CCSER1: variants seen among roughly 807,000 people sequenced by gnomAD.
CCSER1 encodes the protein serine-rich coiled-coil domain-containing protein 1.
A neutral mutation model predicts 82.0 loss-of-function variants in CCSER1; 41 were observed. The ratio of observed to expected loss-of-function variants is 0.50; its 90% CI spans 0.39 to 0.65. CCSER1 has a LOEUF of 0.65. CCSER1 is among the 30% of genes least tolerant of loss of function. The pLI is 0.00. For synonymous variants in CCSER1, 414 were observed against 383.9 expected, an observed-to-expected ratio of 1.08 and a Z score of -0.92; for missense variants, 1,119 against 1,064.2, an observed-to-expected ratio of 1.05 and a Z score of -0.72.
chr4:90,152,624 G>C (rs1375317030), intron 1 of CCSER1, among the ~76,000 whole-genome samples: 1 of 152,142 alleles, frequency 6.6e-6, no homozygotes, highest in East Asian at 1.9e-4. Flanking sequence ...ACATGTGAAG[G>C]AAGGAAAATG....
chr4:91,104,602 A>C (rs1725422994), intron 10 of CCSER1, among the ~76,000 whole-genome samples: 1 of 152,222 alleles, frequency 6.6e-6, no homozygotes, highest in Non-Finnish European at 1.5e-5. Context: ...AATTGCTACT[A>C]TACACTACAT....
At chr4:90,714,819 A>T (rs1741326184) in intron 6 of CCSER1, among the ~76,000 whole-genome samples, 1 of 152,034 alleles carries the variant, frequency 6.6e-6, no homozygotes, top group South Asian at 2.1e-4. Flanking sequence ...AGCTGGTTTT[A>T]AAAATATTAC....
chr4:90,932,982 G>GAAGGAAAGAAAGAAAGAGAA (rs771267852), intron 9 of CCSER1, among the ~76,000 whole-genome samples: 1 of 18,856 alleles, frequency 5.3e-5, no homozygotes, highest in Non-Finnish European at 9.4e-5. Context: ...AAGAAAGAAA[G>GAAGGAAAGAAAGAAAGAGAA]AGAAAGAAAG....
chr4:91,484,928 T>C (rs779894884), intron 10 of CCSER1, among the ~76,000 whole-genome samples: 1 of 152,292 alleles, frequency 6.6e-6, no homozygotes, highest in Non-Finnish European at 1.5e-5. Flanking sequence ...AGCATTGTCA[T>C]TGGAATATAT....
chr4:90,865,365 T>A (rs1765600034), intron 8 of CCSER1, among the ~76,000 whole-genome samples: 1 of 152,060 alleles, frequency 6.6e-6, no homozygotes, highest in African/African-American at 2.4e-5. Flanking sequence ...GCCATAGTTT[T>A]GTTTAGTCAG....
intron 10 of CCSER1, among the ~76,000 whole-genome samples, chr4:91,465,812 G>A (rs994960668): frequency 6.6e-6 from 1 of 152,104 alleles, no homozygotes; most frequent in Non-Finnish European, 1.5e-5. Context: ...GGAAGAAGCT[G>A]AATCCCTGAA....
At chr4:90,492,960 T>G (rs886653236) in intron 5 of CCSER1, among the ~76,000 whole-genome samples, 3 of 152,048 alleles carry the variant, frequency 2.0e-5, no homozygotes, top group African/African-American at 7.2e-5. Context: ...AAGATCAAAC[T>G]TCTCCGAGCT....
At chr4:91,220,276 G>T (rs1737628843) in intron 10 of CCSER1, among the ~76,000 whole-genome samples, 1 of 152,124 alleles carries the variant, frequency 6.6e-6, no homozygotes, top group Admixed American at 6.6e-5. Context: ...TGTTATTCTA[G>T]TAAGAATTGC....
At chr4:90,824,135 A>G (rs1180574172) in intron 8 of CCSER1, among the ~76,000 whole-genome samples, 1 of 152,096 alleles carries the variant, frequency 6.6e-6, no homozygotes, top group African/African-American at 2.4e-5. Context: ...CCTCATTAAA[A>G]AAAATGTTTA....
In CCSER1 at chr4:91,307,873, C is replaced by T. The variant is rs527249947; in HGVS notation, c.2217+221879C>T. The stretch of plus-strand genomic sequence containing the variant: ...TCATTTATACCCGTTTTAATGGGTC[C>T]ATGAAGCAATGATATGCTATAATGC... On this transcript the variant is annotated intron_variant, in intron 10 of 10. Transcript: ENST00000509176. Among the ~76,000 whole-genome samples, 10 of 151,914 alleles carry T rather than the reference C, an allele frequency of 6.6e-5. No homozygotes were observed. The East Asian group carries it at 7.8e-4, about 12-fold the overall frequency.
In CCSER1 at chr4:90,641,023, T is replaced by G. The variant is rs148569991; in HGVS notation, c.1932+12791T>G. Among the ~76,000 whole-genome samples the G allele has an allele frequency of 6.3e-4, 96 of 152,226 alleles. 1 individual carries two copies. In the East Asian group the frequency reaches 0.015, roughly 24 times the overall value. Reference sequence around the variant, plus strand: ...ATGATTTTGGGCAGGGTGCCTAATCTCTCCGTGGAAATCTGGTCTCTTCCA... The same window carrying G: ...ATGATTTTGGGCAGGGTGCCTAATCGCTCCGTGGAAATCTGGTCTCTTCCA... On this transcript the variant is annotated intron_variant, in intron 6 of 10. Coordinates refer to ENST00000509176, the MANE Select transcript of CCSER1 (RefSeq NM_001145065.2).
At chr4:91,521,286 A>T (rs947876376) in intron 10 of CCSER1, among the ~76,000 whole-genome samples, 2 of 152,320 alleles carry the variant, frequency 1.3e-5, no homozygotes, top group African/African-American at 2.4e-5. Flanking sequence ...TCATTGATGG[A>T]CATTTGGGTT....
At chr4:90,894,572 C>T (rs1466805661) in intron 8 of CCSER1, among the ~76,000 whole-genome samples, 1 of 151,972 alleles carries the variant, frequency 6.6e-6, no homozygotes, top group East Asian at 1.9e-4. Flanking sequence ...TCTCCCTATC[C>T]TCTCTCTACT....
chr4:90,517,442 C>T (rs1193218757), intron 5 of CCSER1, among the ~76,000 whole-genome samples: 1 of 151,982 alleles, frequency 6.6e-6, no homozygotes, highest in Non-Finnish European at 1.5e-5. Context: ...GTATCTGACT[C>T]ACATAAGTAG....
chr4:90,468,894 T>C (rs1253619653), intron 5 of CCSER1, among the ~76,000 whole-genome samples: 2 of 152,152 alleles, frequency 1.3e-5, no homozygotes, highest in Non-Finnish European at 2.9e-5. Flanking sequence ...AATGATAAAC[T>C]TGTACTCTTA....
chr4:90,917,054 T>G (rs1385433110), intron 8 of CCSER1, among the ~76,000 whole-genome samples: 1 of 152,200 alleles, frequency 6.6e-6, no homozygotes, highest in Non-Finnish European at 1.5e-5. Flanking sequence ...AGAACACTTT[T>G]ACACTGTTGG....
At chr4:91,566,782 C>T (rs1341047196) in intron 10 of CCSER1, among the ~76,000 whole-genome samples, 1 of 151,858 alleles carries the variant, frequency 6.6e-6, no homozygotes, top group Non-Finnish European at 1.5e-5. Flanking sequence ...TCTCTCTATT[C>T]TTCTTTATTA....
chr4:91,476,806 C>T (rs1201115184), intron 10 of CCSER1, among the ~76,000 whole-genome samples: 2 of 151,612 alleles, frequency 1.3e-5, no homozygotes, highest in Non-Finnish European at 1.5e-5. Flanking sequence ...CAAAAACATA[C>T]ATTGAAGAAA....
intron 5 of CCSER1, among the ~76,000 whole-genome samples, chr4:90,587,506 A>G (rs1173261684): frequency 6.6e-6 from 1 of 152,170 alleles, no homozygotes; most frequent in Admixed American, 6.5e-5. Flanking sequence ...GCTACTTGGG[A>G]GGCTGAAGCA....
Sources: allele counts gnomAD v4.1 joint callset (sites outside exome capture counted in the v4.1 genomes callset), GRCh38; gene constraint gnomAD v4.1.1; transcripts MANE v1.5; gene names NCBI Gene and HGNC (gene_info 2026-07-23, HGNC 2026-07-21).